BRCA2: variants seen among roughly 807,000 people sequenced by gnomAD.
The protein encoded by BRCA2 is BRCA2 DNA repair associated, also known as breast cancer type 2 susceptibility protein.
A neutral mutation model predicts 276.7 loss-of-function variants in BRCA2; 203 were observed. The ratio of observed to expected loss-of-function variants is 0.73; its 90% CI spans 0.65 to 0.82. The LOEUF (loss-of-function observed/expected upper bound fraction) is 0.82. BRCA2 is among the 40% of genes least tolerant of loss of function. The probability of loss-of-function intolerance (pLI) is 0.00; values close to 1 mark genes in which losing one functional copy is unlikely to be tolerated. For missense variants in BRCA2, 3,920 were observed against 3,915.0 expected, an observed-to-expected ratio of 1.00 and a Z score of -0.03; for synonymous variants, 1,289 against 1,338.4, an observed-to-expected ratio of 0.96 and a Z score of 0.81.
intron 18 of BRCA2, among the ~76,000 whole-genome samples, chr13:32,365,477 T>C (rs1201435986): frequency 1.3e-5 from 2 of 152,032 alleles, no homozygotes; most frequent in Admixed American, 6.6e-5. Context: ...GCCTCTCGGG[T>C]TCAAGTGATT....
At chr13:32,324,795 T>C (rs562941323) in intron 3 of BRCA2, among the ~76,000 whole-genome samples, 1 of 152,258 alleles carries the variant, frequency 6.6e-6, no homozygotes, top group South Asian at 2.1e-4. Flanking sequence ...AGCGTTTTCT[T>C]TGTAGAGGCA....
chr13:32,344,691 A>C, intron 12 of BRCA2, 38 bp downstream of exon 12: 2 of 1,373,678 alleles, frequency 1.5e-6, no homozygotes, highest in Non-Finnish European at 2.1e-6. Context: ...TTCTCCCTCT[A>C]TAGGTATGGT....
At chr13:32,352,643 T>C (rs1484196398) in intron 13 of BRCA2, among the ~76,000 whole-genome samples, 1 of 152,060 alleles carries the variant, frequency 6.6e-6, no homozygotes, top group Non-Finnish European at 1.5e-5. Flanking sequence ...CAAAAAGAAA[T>C]GGGGAGGTTA....
rs56121817 is a variant in BRCA2, at chr13:32,398,388, C to T, written c.9875C>T (p.Pro3292Leu). The T allele has an allele frequency of 6.2e-5, 100 of 1,614,098 alleles. No homozygotes were observed. The Middle Eastern group carries it at 1.2e-3, about 19-fold the overall frequency. ...PVSPICTFVS[P>L]AAQKAFQPPR... ...AGTCCCATTTGTACATTTGTTTCTC[C>T]GGCTGCACAGAAGGCATTTCAGCCA... Residue 3292 changes from proline to leucine, a missense_variant, in exon 27 of 27, where the codon CCG becomes CTG. Pro to Leu is a moderately conservative substitution (Grantham distance 98). Coordinates refer to ENST00000380152, the MANE Select transcript of BRCA2 (RefSeq NM_000059.4).
chr13:32,320,154 A>G (rs1021865011), intron 3 of BRCA2, among the ~76,000 whole-genome samples: 40 of 152,238 alleles, frequency 2.6e-4, no homozygotes, highest in African/African-American at 9.2e-4. Flanking sequence ...AAAGGGACCA[A>G]TAGACAAGGC....
chr13:32,342,494 CAT>C (rs919822447), intron 11 of BRCA2, among the ~76,000 whole-genome samples: 32 of 152,098 alleles, frequency 2.1e-4, no homozygotes, highest in Admixed American at 3.9e-4. Context: ...CAACTACAGT[CAT>C]GTGTCATTTG....
rs1223021680 is a variant in BRCA2 at position 32,394,669 on chromosome 13, T to G, written c.9257-20T>G. 1 of 1,608,048 alleles carries G rather than the reference T, an allele frequency of 6.2e-7. No individual in the cohort carries two copies. Among genetic ancestry groups the G allele is most frequent in the African/African-American group, 1.3e-5 (1 of 74,834 alleles). The stretch of plus-strand genomic sequence containing the variant: ...CTAACACATCTATAATAACATTCTT[T>G]TCTTTTTTTTCCATTCTAGGACTTG... On this transcript the variant is annotated intron_variant, in intron 24 of 26. Transcript: ENST00000380152.
At position 32,340,272 on chromosome 13, in the gene BRCA2, A is replaced by C. The variant is rs1555284460; in HGVS notation, c.5917A>C (p.Asn1973His). The C allele has an allele frequency of 1.9e-6, 3 of 1,614,014 alleles. No homozygotes were observed. Among genetic ancestry groups the C allele is most frequent in the Non-Finnish European group, 2.5e-6 (3 of 1,179,900 alleles). Residue 1973 changes from asparagine to histidine, a missense_variant, in exon 11 of 27, where the codon AAT (asparagine) becomes CAT (histidine). Around this residue, in one of 2 missense-constraint regions of BRCA2, gnomAD observed 3,263 missense variants for 3,156.9 expected, o/e 1.03. Transcript: ENST00000380152. The stretch of plus-strand genomic sequence containing the variant: ...GCTTCATAAGTCAGTCTCATCTGCA[A>C]ATACTTGTGGGATTTTTAGCACAGC... The part of the protein sequence containing the change: ...GKLHKSVSSA[N>H]TCGIFSTASG...
rs80359036 is a variant in BRCA2 at position 32,332,278 on chromosome 13, G to A, written c.800G>A (p.Gly267Glu). 26 of 1,601,114 alleles carry A rather than the reference G, an allele frequency of 1.6e-5. No homozygotes were observed. The Middle Eastern group carries it at 8.3e-4, about 51-fold the overall frequency. ...NQREAASHGFGKTSGNSFKVN... is the reference protein window; with the variant it reads ...NQREAASHGFEKTSGNSFKVN... ...CTGTTTTATACTTTAACAGGATTTG[G>A]AAAAACATCAGGGAATTCATTTAAA... The change falls in exon 10 of 27, where the codon GGA (glycine) becomes GAA (glutamate). Residue 267 changes from glycine (G) to glutamate (E), a missense_variant. Gly to Glu is a moderately conservative substitution (Grantham distance 98). Transcript: ENST00000380152.
intron 24 of BRCA2, among the ~76,000 whole-genome samples, chr13:32,393,361 C>A (rs2073011098): frequency 6.6e-6 from 1 of 152,112 alleles, no homozygotes; most frequent in Non-Finnish European, 1.5e-5. Flanking sequence ...AAAGCTGTGC[C>A]CTTTCCACCA....
chr13:32,377,993 G>T (rs2072885490), intron 21 of BRCA2, among the ~76,000 whole-genome samples: 1 of 152,226 alleles, frequency 6.6e-6, no homozygotes, highest in Non-Finnish European at 1.5e-5. Context: ...GGTTCTCCCT[G>T]TGAGAAGTGA....
intron 10 of BRCA2, among the ~76,000 whole-genome samples, chr13:32,333,976 AT>A (rs1274237237): frequency 6.6e-6 from 1 of 152,190 alleles, no homozygotes; most frequent in Non-Finnish European, 1.5e-5. Context: ...GCTACATGGT[AT>A]TCCATGGTGT....
rs80358754 is a variant in BRCA2, at chr13:32,339,641, T to G, written c.5286T>G (p.Tyr1762Ter). Residue 1762 changes from tyrosine to a stop codon, truncating the protein, a stop_gained, in exon 11 of 27, where the codon TAT becomes TAG. Coordinates refer to ENST00000380152, the MANE Select transcript of BRCA2 (RefSeq NM_000059.4). LOFTEE classifies it high-confidence loss of function. The part of the protein sequence containing the change: ...HSDEVYNDSG[Y>*]LSKNKLDSGI... ...ATGAGGTATATAATGATTCAGGATA[T>G]CTCTCAAAAAATAAACTTGATTCTG... The G allele has an allele frequency of 1.9e-6, 3 of 1,612,194 alleles. No homozygotes were observed. The highest frequency in any genetic ancestry group is 1.3e-5 in the African/African-American group (1 of 74,852).
At chr13:32,331,753 T>C (rs2072393159) in intron 9 of BRCA2, among the ~76,000 whole-genome samples, 1 of 152,054 alleles carries the variant, frequency 6.6e-6, no homozygotes, top group Non-Finnish European at 1.5e-5. Context: ...GGTTTAGATA[T>C]ACCATAGTTT....
chr13:32,377,049 G>C (rs2072878782), intron 21 of BRCA2, among the ~76,000 whole-genome samples: 1 of 152,042 alleles, frequency 6.6e-6, no homozygotes, highest in African/African-American at 2.4e-5. Context: ...GGCAAAACTT[G>C]TTTTATTTTT....
chr13:32,342,247 T>C (rs1281075713), intron 11 of BRCA2, among the ~76,000 whole-genome samples: 1 of 140,974 alleles, frequency 7.1e-6, no homozygotes, highest in African/African-American at 2.7e-5. Flanking sequence ...CTCTCCAGCC[T>C]GGGCAACAGA....
chr13:32,325,238 ATT>A lies in BRCA2; in HGVS notation c.425+56_425+57del. ...TTAAATGAAACATTTTCCTACATATATTTGTTCTATAAAGATGAATCTGATTT... is the reference window on the plus strand; with the variant it reads ...TTAAATGAAACATTTTCCTACATATATGTTCTATAAAGATGAATCTGATTT... On this transcript the variant is annotated intron_variant, in intron 4 of 26. Transcript: ENST00000380152. 4 of 1,294,558 alleles carry A rather than the reference ATT, an allele frequency of 3.1e-6. No individual in the cohort carries two copies. The African/African-American group carries it at 5.9e-5, about 19-fold the overall frequency. The allele number at this position is 1,294,558 out of a possible 1,614,324, so 80.2% of individuals were successfully genotyped here.
chr13:32,323,371 T>G (rs11571602), intron 3 of BRCA2, among the ~76,000 whole-genome samples: 3 of 152,274 alleles, frequency 2.0e-5, no homozygotes, highest in East Asian at 3.9e-4. Context: ...GCCAGGATGG[T>G]CTTGATCTCC....
rs1593887352 is a variant in BRCA2, at chr13:32,326,534, A to G, written c.552A>G (p.Leu184=). Residue 184 remains leucine, a synonymous_variant, in exon 7 of 27, where the codon CTA becomes CTG. Transcript: ENST00000380152. The part of the protein sequence containing the change: ...RQTPKHISES[L]GAEVDPDMSW... The stretch of plus-strand genomic sequence containing the variant: ...CACCAAAACATATTTCTGAAAGTCT[A>G]GGAGCTGAGGTGGATCCTGATATGT... 4.3e-6 allele frequency: 7 copies of G among 1,613,992 alleles called. No individual in the cohort carries two copies. The highest frequency in any genetic ancestry group is 5.9e-6 in the Non-Finnish European group (7 of 1,179,870).
Sources: gnomAD v4.1 joint callset for allele counts (sites outside exome capture counted in the v4.1 genomes callset) on GRCh38, gnomAD v4.1.1 for gene constraint, gnomAD v4.1.1 regional missense constraint, MANE v1.5 for transcripts, NCBI Gene and HGNC (gene_info 2026-07-23, HGNC 2026-07-21) for gene names.